Variants in PTPN4 observed in about 807,000 individuals in gnomAD.
The protein encoded by PTPN4 is protein tyrosine phosphatase non-receptor type 4.
In PTPN4, 49 loss-of-function variants were observed where a neutral mutation model predicts 135.5. The observed-to-expected ratio is 0.36, with a 90% CI of 0.29 to 0.46. The LOEUF (loss-of-function observed/expected upper bound fraction) is 0.46. Ranked by LOEUF, PTPN4 falls within the 20% of genes least tolerant of loss-of-function variation. The probability of loss-of-function intolerance (pLI) is 1.00; values close to 1 mark genes in which losing one functional copy is unlikely to be tolerated. For missense variants in PTPN4, 860 were observed against 1,101.0 expected (o/e 0.78, Z 3.10); for synonymous variants, 333 against 369.9 (o/e 0.90, Z 1.14).
In PTPN4 at chr2:119,760,437, A is replaced by ACCC. The variant is rs965652578; in HGVS notation, c.-18+53_-18+54insCCC. 74 of 388,648 alleles carry ACCC rather than the reference A, an allele frequency of 1.9e-4. No homozygotes were observed. In the East Asian group the frequency reaches 2.7e-3, roughly 14 times the overall value. The allele number at this position is 388,648 out of a possible 1,614,324, so 24.1% of individuals were successfully genotyped here. A position where few individuals can be genotyped will look rare whatever the true frequency, so the allele number is the denominator to read the frequency against. On this transcript the variant is annotated intron_variant, in intron 1 of 26. Transcript: ENST00000263708. ...CTCTCGGCCCTGCACGTTGAACGGG[A>ACCC]GGCTCTTACCTGCATGTGTGGCTCC... is the stretch of plus-strand genomic sequence containing the variant.
intron 2 of PTPN4, among the ~76,000 whole-genome samples, chr2:119,818,154 T>G (rs1233338142): frequency 6.6e-6 from 1 of 152,248 alleles, no homozygotes; most frequent in Admixed American, 6.5e-5. Flanking sequence ...ACCATTTTTT[T>G]CTTTCCCTTG....
intron 2 of PTPN4, among the ~76,000 whole-genome samples, chr2:119,860,492 C>G (rs62167254): frequency 0.074 from 11,219 of 152,106 alleles, 546 homozygotes; most frequent in Non-Finnish European, 0.11. Flanking sequence ...TGGAAAGAAA[C>G]CTAGTCTTAA....
Position 119,901,329 on chromosome 2 carries a change from TAAA to T in PTPN4, c.764+524_764+526del, listed in dbSNP as rs1360314695. On this transcript the variant is annotated intron_variant, in intron 10 of 26. Coordinates refer to ENST00000263708, the MANE Select transcript of PTPN4 (RefSeq NM_002830.4). Reference sequence around the variant, plus strand: ...CTTACTGCCACATCAACATGGCTCATAAATAATAACAGGGAATCACAACTAAAA... The same window carrying T: ...CTTACTGCCACATCAACATGGCTCATTAATAACAGGGAATCACAACTAAAA... Among the ~76,000 whole-genome samples, 10 of 152,172 alleles carry T rather than the reference TAAA, an allele frequency of 6.6e-5. No individual in the cohort carries two copies. In the South Asian group the frequency reaches 2.1e-3, roughly 32 times the overall value.
chr2:119,932,625 C>T, intron 14 of PTPN4, 76 bp downstream of exon 14: 7 of 1,439,880 alleles, frequency 4.9e-6, no homozygotes, highest in Non-Finnish European at 6.6e-6. Context: ...ATTTTTATGC[C>T]TGAAGACAAA....
intron 3 of PTPN4, among the ~76,000 whole-genome samples, chr2:119,865,855 A>G (rs1454474793): frequency 6.6e-6 from 1 of 152,120 alleles, no homozygotes; most frequent in African/African-American, 2.4e-5. Context: ...TTTATAATTG[A>G]TAAACTTAAA....
At chr2:119,944,882 A>C (rs1679110590) in intron 15 of PTPN4, among the ~76,000 whole-genome samples, 199 bp from the exon 16 acceptor site, 2 of 152,062 alleles carry the variant, frequency 1.3e-5, no homozygotes, top group Non-Finnish European at 1.5e-5. Flanking sequence ...TTTATTATAT[A>C]ATTGTTTATA....
chr2:119,844,359 C>A (rs1226141217), intron 2 of PTPN4, among the ~76,000 whole-genome samples: 3 of 135,858 alleles, frequency 2.2e-5, no homozygotes, highest in South Asian at 2.4e-4. Flanking sequence ...ACCCCCCCCC[C>A]CCACCTCCCT....
intron 22 of PTPN4, among the ~76,000 whole-genome samples, 180 bp from the exon 23 acceptor site, chr2:119,960,627 A>G (rs1438693873): frequency 6.6e-6 from 1 of 152,244 alleles, no homozygotes; most frequent in Non-Finnish European, 1.5e-5. Flanking sequence ...ACTGTTGAAC[A>G]TTGCCATGAA....
At chr2:119,949,819 A>C (rs1340816852) in intron 18 of PTPN4, among the ~76,000 whole-genome samples, 1 of 152,072 alleles carries the variant, frequency 6.6e-6, no homozygotes, top group Non-Finnish European at 1.5e-5. Context: ...CTCCAGCCTA[A>C]GCAACAGAGC....
intron 10 of PTPN4, among the ~76,000 whole-genome samples, chr2:119,901,817 T>TA (rs1678408283): frequency 6.6e-6 from 1 of 152,070 alleles, no homozygotes; most frequent in Non-Finnish European, 1.5e-5. Flanking sequence ...GTGCTAGAAA[T>TA]AAAATGCATT....
intron 20 of PTPN4, among the ~76,000 whole-genome samples, chr2:119,956,166 A>T (rs1679278491): frequency 6.6e-6 from 1 of 151,524 alleles, no homozygotes; most frequent in Non-Finnish European, 1.5e-5. Context: ...TTGACCCACG[A>T]TCACCCAGTG....
At chr2:119,944,119 G>A (rs1679100992) in intron 15 of PTPN4, among the ~76,000 whole-genome samples, 1 of 152,162 alleles carries the variant, frequency 6.6e-6, no homozygotes, top group African/African-American at 2.4e-5. Context: ...GGTATAAAAT[G>A]TGTGCTTCAG....
chr2:119,871,243 CAGTT>C (rs1026811504), intron 3 of PTPN4, among the ~76,000 whole-genome samples: 3 of 150,446 alleles, frequency 2.0e-5, no homozygotes, highest in African/African-American at 4.9e-5. Context: ...ATTCTCAAGA[CAGTT>C]GGTGAGAGTG....
intron 20 of PTPN4, among the ~76,000 whole-genome samples, chr2:119,955,795 G>A (rs1679272149): frequency 6.6e-6 from 1 of 151,938 alleles, no homozygotes; most frequent in Non-Finnish European, 1.5e-5. Flanking sequence ...AAATTAGCCG[G>A]GTGTGGTGGC....
chr2:119,825,453 C>G (rs1325489465), intron 2 of PTPN4, among the ~76,000 whole-genome samples: 3 of 150,746 alleles, frequency 2.0e-5, no homozygotes, highest in Non-Finnish European at 4.4e-5. Context: ...GGCTTGCCCA[C>G]AGCCACGTGC....
At chr2:119,948,801 C>T (rs1191531345) in intron 18 of PTPN4, among the ~76,000 whole-genome samples, 1 of 151,938 alleles carries the variant, frequency 6.6e-6, no homozygotes, top group Non-Finnish European at 1.5e-5. Context: ...TATAATTTCA[C>T]ATATATGTTT....
At chr2:119,868,072 T>C (rs1431209181) in intron 3 of PTPN4, among the ~76,000 whole-genome samples, 1 of 152,172 alleles carries the variant, frequency 6.6e-6, no homozygotes, top group African/African-American at 2.4e-5. Context: ...CCTAAATCAA[T>C]GTAACTGAGG....
At chr2:119,864,974 C>T (rs61121753) in intron 3 of PTPN4, among the ~76,000 whole-genome samples, 1 of 152,132 alleles carries the variant, frequency 6.6e-6, no homozygotes, top group Non-Finnish European at 1.5e-5. Context: ...GCCTCACACT[C>T]TAATTTTTCA....
intron 3 of PTPN4, among the ~76,000 whole-genome samples, chr2:119,876,487 C>A (rs1273210946): frequency 2.0e-5 from 3 of 152,106 alleles, no homozygotes; most frequent in African/African-American, 4.8e-5. Flanking sequence ...TATTAAAAAT[C>A]TATGTGTTCT....
Sources: gnomAD v4.1 joint callset for allele counts (sites outside exome capture counted in the v4.1 genomes callset) on GRCh38, gnomAD v4.1.1 for gene constraint, MANE v1.5 for transcripts, NCBI Gene and HGNC (gene_info 2026-07-23, HGNC 2026-07-21) for gene names.